Variants in ROBO2 observed in about 807,000 individuals in gnomAD.
The protein encoded by ROBO2 is roundabout homolog 2.
Under a neutral mutation model 160.8 loss-of-function variants are expected in ROBO2, and 53 were observed. The ratio of observed to expected loss-of-function variants is 0.33; its 90% CI spans 0.26 to 0.41. The LOEUF (loss-of-function observed/expected upper bound fraction) is 0.41, where lower values mean the gene tolerates loss of function less well. ROBO2 is among the 10% of genes least tolerant of loss of function. The probability of loss-of-function intolerance (pLI) is 1.00; values close to 1 mark genes in which losing one functional copy is unlikely to be tolerated. For synonymous variants in ROBO2, 664 were observed against 611.7 expected (o/e 1.09, Z -1.26); for missense variants, 1,577 against 1,722.4 (o/e 0.92, Z 1.49).
At chr3:77,465,488 T>C (rs2082675781) in intron 2 of ROBO2, among the ~76,000 whole-genome samples, 1 of 152,140 alleles carries the variant, frequency 6.6e-6, no homozygotes, top group Non-Finnish European at 1.5e-5. Context: ...GGAATAGATA[T>C]ATAGCTAGAG....
chr3:77,573,049 G>T (rs2093677051), intron 13 of ROBO2, among the ~76,000 whole-genome samples: 1 of 151,782 alleles, frequency 6.6e-6, no homozygotes, highest in Admixed American at 6.6e-5. Flanking sequence ...CTGAAATGAG[G>T]TTATTCCATT....
At chr3:77,454,474 T>G (rs2153565260) in intron 2 of ROBO2, among the ~76,000 whole-genome samples, 1 of 152,276 alleles carries the variant, frequency 6.6e-6, no homozygotes, top group East Asian at 1.9e-4. Context: ...CCCTTTCATT[T>G]AGTCATTCTT....
chr3:77,123,951 G>A (rs1480168861), intron 2 of ROBO2, among the ~76,000 whole-genome samples: 1 of 148,980 alleles, frequency 6.7e-6, no homozygotes, highest in Admixed American at 6.7e-5. Context: ...TATCTATATA[G>A]ATAGATATGT....
chr3:76,088,258 G>A (rs372658939), intron 2 of ROBO2, among the ~76,000 whole-genome samples: 14 of 152,110 alleles, frequency 9.2e-5, no homozygotes, highest in South Asian at 2.1e-4. Flanking sequence ...GGAAAATTAC[G>A]TAAATCTACT....
chr3:76,526,259 A>G (rs1478851336), intron 2 of ROBO2, among the ~76,000 whole-genome samples: 2 of 152,036 alleles, frequency 1.3e-5, no homozygotes, highest in African/African-American at 2.4e-5. Context: ...GTTCTCATGC[A>G]CATTTCACAA....
chr3:76,871,649 C>T (rs2072103895), intron 2 of ROBO2, among the ~76,000 whole-genome samples: 1 of 151,858 alleles, frequency 6.6e-6, no homozygotes, highest in African/African-American at 2.4e-5. Flanking sequence ...AGAATTTATA[C>T]AGATAAAACA....
chr3:76,692,754 G>T (rs1230010744), intron 2 of ROBO2, among the ~76,000 whole-genome samples: 1 of 151,860 alleles, frequency 6.6e-6, no homozygotes, highest in Non-Finnish European at 1.5e-5. Context: ...GAAAATTTCT[G>T]GAATGCATAA....
At chr3:77,061,154 C>T (rs1052780284) in intron 1 of ROBO2, among the ~76,000 whole-genome samples, 2 of 152,202 alleles carry the variant, frequency 1.3e-5, no homozygotes, top group African/African-American at 4.8e-5. Flanking sequence ...ATATCACATA[C>T]ACATAACATA....
intron 12 of ROBO2, among the ~76,000 whole-genome samples, chr3:77,567,632 G>T: frequency 6.6e-6 from 1 of 151,926 alleles, no homozygotes; most frequent in East Asian, 1.9e-4. Flanking sequence ...GCATGACCTC[G>T]TGTCAGGTAT....
intron 2 of ROBO2, among the ~76,000 whole-genome samples, chr3:76,462,606 TAAA>T (rs61062093): frequency 3.9e-4 from 52 of 134,534 alleles, no homozygotes; most frequent in African/African-American, 1.2e-3. Flanking sequence ...CTTAAAGTAT[TAAA>T]AAAAAAAAAA....
chr3:76,888,805 G>A (rs1426299255), intron 2 of ROBO2, among the ~76,000 whole-genome samples: 1 of 152,200 alleles, frequency 6.6e-6, no homozygotes, highest in Non-Finnish European at 1.5e-5. Context: ...GGCTCAGTTT[G>A]TAGTGTGAAT....
intron 2 of ROBO2, among the ~76,000 whole-genome samples, chr3:76,706,661 AT>A (rs1406156555): frequency 6.6e-6 from 1 of 152,146 alleles, no homozygotes; most frequent in Non-Finnish European, 1.5e-5. Context: ...CTATAAAGAT[AT>A]ATGATGGCAA....
At chr3:76,679,858 G>C (rs1280690208) in intron 2 of ROBO2, among the ~76,000 whole-genome samples, 2 of 151,986 alleles carry the variant, frequency 1.3e-5, no homozygotes, top group African/African-American at 4.8e-5. Context: ...ACTAATCTGG[G>C]GATAGTTATC....
In ROBO2 at chr3:76,696,122, G is replaced by A. The variant is rs187346999; in HGVS notation, c.110-401892G>A. Reference sequence around the variant, plus strand: ...ATTTAATTCTGATCCAATTCCTGCCGCACAACTCAGCTGTGAATGACTTGA... The same window carrying A: ...ATTTAATTCTGATCCAATTCCTGCCACACAACTCAGCTGTGAATGACTTGA... On this transcript the variant is annotated intron_variant, in intron 2 of 26. Coordinates refer to the ROBO2 transcript ENST00000487694. 8.9e-4 allele frequency among the ~76,000 whole-genome samples: 135 copies of A among 152,142 alleles called. 1 individual carries two copies. Among genetic ancestry groups the A allele is most frequent in the African/African-American group, 3.1e-3 (128 of 41,506 alleles).
At chr3:76,661,989 G>A (rs1444766492) in intron 2 of ROBO2, among the ~76,000 whole-genome samples, 1 of 152,142 alleles carries the variant, frequency 6.6e-6, no homozygotes, top group Non-Finnish European at 1.5e-5. Flanking sequence ...TTGGAATTTG[G>A]TATCTTGTTT....
chr3:77,380,277 A>G (rs1327391081), intron 2 of ROBO2, among the ~76,000 whole-genome samples: 2 of 152,214 alleles, frequency 1.3e-5, no homozygotes, highest in East Asian at 1.9e-4. Flanking sequence ...ACACACTAGC[A>G]TGTCTCATCT....
At chr3:76,184,566 TAG>T in intron 2 of ROBO2, among the ~76,000 whole-genome samples, 1 of 147,388 alleles carries the variant, frequency 6.8e-6, no homozygotes, top group Non-Finnish European at 1.5e-5. Flanking sequence ...GATAGATAGA[TAG>T]ATAGATAGAT....
intron 2 of ROBO2, among the ~76,000 whole-genome samples, chr3:76,012,105 T>C (rs2066211468): frequency 1.3e-5 from 2 of 152,212 alleles, no homozygotes; most frequent in Admixed American, 1.3e-4. Flanking sequence ...TTTTATTTTA[T>C]CTCTATGTAG....
At chr3:76,123,699 T>C (rs1271394366) in intron 2 of ROBO2, among the ~76,000 whole-genome samples, 27 of 152,176 alleles carry the variant, frequency 1.8e-4, no homozygotes, top group Admixed American at 1.8e-3. Context: ...TCTTCTCTTG[T>C]GCCCCTCACC....
Sources: gnomAD v4.1 joint callset for allele counts (sites outside exome capture counted in the v4.1 genomes callset) on GRCh38, gnomAD v4.1.1 for gene constraint, MANE v1.5 for transcripts, NCBI Gene and HGNC (gene_info 2026-07-23, HGNC 2026-07-21) for gene names.